The following CDH10 variants were observed in gnomAD, a reference collection of about 807,000 sequenced individuals.
CDH10 encodes cadherin 10.
In CDH10, 30 loss-of-function variants were observed where a neutral mutation model predicts 73.1. The ratio of observed to expected loss-of-function variants is 0.41; its 90% CI spans 0.31 to 0.56. The LOEUF is 0.56. CDH10 is among the 20% of genes least tolerant of loss of function. The pLI, the probability that CDH10 is intolerant of heterozygous loss-of-function variation, is 0.27. For synonymous variants in CDH10, 345 were observed against 348.2 expected, an observed-to-expected ratio of 0.99 and a Z score of 0.10; for missense variants, 815 against 973.7, an observed-to-expected ratio of 0.84 and a Z score of 2.17.
intron 5 of CDH10, among the ~76,000 whole-genome samples, chr5:24,525,783 G>A (rs1743508452): frequency 6.6e-6 from 1 of 152,008 alleles, no homozygotes; most frequent in African/African-American, 2.4e-5. Flanking sequence ...AGAGCAAAAC[G>A]AGATGCTGTA....
intron 2 of CDH10, among the ~76,000 whole-genome samples, chr5:24,585,067 C>A (rs188971444): frequency 6.6e-6 from 1 of 152,030 alleles, no homozygotes; most frequent in African/African-American, 2.4e-5. Context: ...AGGCTGATCT[C>A]GAACTCCCAG....
chr5:24,572,561 T>C (rs1157737063), intron 2 of CDH10, among the ~76,000 whole-genome samples: 1 of 152,028 alleles, frequency 6.6e-6, no homozygotes. Flanking sequence ...CAACACTATC[T>C]TATTTAGAAA....
chr5:24,621,100 G>T (rs1009195911), intron 1 of CDH10, among the ~76,000 whole-genome samples: 1 of 152,118 alleles, frequency 6.6e-6, no homozygotes, highest in African/African-American at 2.4e-5. Context: ...TCCATCGGCT[G>T]TCTCCTCAAG....
intron 2 of CDH10, 151 bp downstream of exon 2, chr5:24,593,109 A>G: frequency 1.8e-6 from 1 of 552,582 alleles, no homozygotes; most frequent in Non-Finnish European, 3.2e-6. Context: ...AGTTTTTATC[A>G]AATTGGAATT....
chr5:24,602,886 T>C (rs368497249), intron 1 of CDH10, among the ~76,000 whole-genome samples: 14 of 152,250 alleles, frequency 9.2e-5, no homozygotes, highest in African/African-American at 3.1e-4. Context: ...AAGGGAAGAA[T>C]ATGTCTCAAG....
chr5:24,579,182 A>G (rs1745703186), intron 2 of CDH10, among the ~76,000 whole-genome samples: 1 of 151,876 alleles, frequency 6.6e-6, no homozygotes, highest in Non-Finnish European at 1.5e-5. Context: ...TCTTCTGCTA[A>G]AGATATCTTT....
chr5:24,566,293 C>A (rs1438062459), intron 2 of CDH10, among the ~76,000 whole-genome samples: 2 of 152,166 alleles, frequency 1.3e-5, no homozygotes, highest in East Asian at 3.9e-4. Flanking sequence ...AGTGATCCAC[C>A]TGTCTTGGCC....
At chr5:24,497,694 T>A (rs989260514) in intron 9 of CDH10, among the ~76,000 whole-genome samples, 6 of 152,206 alleles carry the variant, frequency 3.9e-5, no homozygotes, top group African/African-American at 1.4e-4. Flanking sequence ...GATTCCCAAT[T>A]ATTATTTATA....
chr5:24,521,243 T>C (rs1003379686), intron 5 of CDH10, among the ~76,000 whole-genome samples: 3 of 152,130 alleles, frequency 2.0e-5, no homozygotes, highest in Non-Finnish European at 2.9e-5. Flanking sequence ...ACGCTAAATA[T>C]GTTTAAAGAA....
intron 1 of CDH10, among the ~76,000 whole-genome samples, chr5:24,628,962 C>T (rs1747608122): frequency 6.6e-6 from 1 of 151,486 alleles, no homozygotes. Flanking sequence ...TTATTCGTTT[C>T]TTATAGTGCT....
intron 2 of CDH10, among the ~76,000 whole-genome samples, chr5:24,575,355 C>CAAAAAAAA (rs751333761): frequency 8.1e-6 from 1 of 123,846 alleles, no homozygotes; most frequent in Non-Finnish European, 1.6e-5. Flanking sequence ...ACAAAAACAA[C>CAAAAAAAA]AAAAAAAAAA....
At chr5:24,551,691 C>T (rs6893329) in intron 2 of CDH10, among the ~76,000 whole-genome samples, 100,371 of 151,966 alleles carry the variant, frequency 0.66, 33,260 homozygotes, top group East Asian at 0.77. Flanking sequence ...AATAAGAATT[C>T]TCTAGAGATA....
chr5:24,493,857 T>C (rs1742160325), intron 9 of CDH10, among the ~76,000 whole-genome samples: 1 of 151,974 alleles, frequency 6.6e-6, no homozygotes, highest in South Asian at 2.1e-4. Context: ...GATGAAAATA[T>C]TTGTTGTTGA....
chr5:24,588,228 A>G (rs962265548), intron 2 of CDH10, among the ~76,000 whole-genome samples: 2 of 152,200 alleles, frequency 1.3e-5, no homozygotes, highest in African/African-American at 4.8e-5. Context: ...TTTTCTAAGT[A>G]AAATTTCCTA....
intron 2 of CDH10, among the ~76,000 whole-genome samples, chr5:24,537,984 T>G (rs749022716): frequency 1.3e-5 from 2 of 152,112 alleles, no homozygotes; most frequent in Non-Finnish European, 2.9e-5. Flanking sequence ...ATATAAGATA[T>G]CAGTCTTGAT....
intron 1 of CDH10, among the ~76,000 whole-genome samples, chr5:24,618,970 G>A (rs1026175156): frequency 1.3e-5 from 2 of 152,076 alleles, no homozygotes; most frequent in Admixed American, 6.6e-5. Context: ...GTGTTCTATA[G>A]TATCATTGAG....
Position 24,488,240 on chromosome 5 carries a change from C to T in CDH10, c.1877-87G>A, listed in dbSNP as rs571389153. The T allele has an allele frequency of 1.8e-3, 2,029 of 1,113,204 alleles. 7 individuals are homozygous for T. The highest frequency in any genetic ancestry group is 2.3e-3 in the Non-Finnish European group (1,844 of 793,494). 69.0% of individuals were successfully genotyped at this position (1,113,204 alleles called of 1,614,324 possible). ...AAATACTATAAAAGAGTTTAAGTTA[C>T]TCAGGCTTTCTATAACAGCTTAGAC... is the stretch of plus-strand genomic sequence containing the variant. On this transcript the variant is annotated intron_variant, in intron 11 of 11. Transcript: ENST00000264463.
At chr5:24,530,090 G>A (rs183260771) in intron 5 of CDH10, among the ~76,000 whole-genome samples, 105 of 135,536 alleles carry the variant, frequency 7.7e-4, no homozygotes, top group African/African-American at 2.8e-3. Flanking sequence ...CTGACCACCT[G>A]CTTAAATGCT....
At chr5:24,579,571 A>G (rs576145356) in intron 2 of CDH10, among the ~76,000 whole-genome samples, 1 of 152,224 alleles carries the variant, frequency 6.6e-6, no homozygotes, top group East Asian at 1.9e-4. Context: ...AATTACAAGC[A>G]TCAAGCACAC....
Sources: allele counts gnomAD v4.1 joint callset (sites outside exome capture counted in the v4.1 genomes callset), GRCh38; gene constraint gnomAD v4.1.1; transcripts MANE v1.5; gene names NCBI Gene and HGNC (gene_info 2026-07-23, HGNC 2026-07-21).